Variants in PHACTR4 observed in about 807,000 individuals in gnomAD.
PHACTR4 encodes the protein protein phosphatase 1, regulatory subunit 124.
Under a neutral mutation model 72.7 loss-of-function variants are expected in PHACTR4, and 51 were observed. That is an observed-to-expected ratio of 0.70 (90% confidence interval 0.56 to 0.89). PHACTR4 has a LOEUF of 0.89. Ranked by LOEUF, PHACTR4 falls within the 40% of genes least tolerant of loss-of-function variation. The pLI, the probability that PHACTR4 is intolerant of heterozygous loss-of-function variation, is 0.00. For missense variants in PHACTR4, 731 were observed against 861.8 expected (o/e 0.85, Z 1.90); for synonymous variants, 255 against 302.5 (o/e 0.84, Z 1.63).
intron 6 of PHACTR4, among the ~76,000 whole-genome samples, chr1:28,473,144 C>T (rs1010489838): frequency 6.6e-6 from 1 of 151,770 alleles, no homozygotes; most frequent in Non-Finnish European, 1.5e-5. Flanking sequence ...GCCGTAGTGG[C>T]GTGCGCCTGT....
chr1:28,448,162 T>C (rs1009263251), intron 2 of PHACTR4, among the ~76,000 whole-genome samples: 1 of 152,174 alleles, frequency 6.6e-6, no homozygotes, highest in African/African-American at 2.4e-5. Flanking sequence ...TATGAAGATA[T>C]TTGGTACTTC....
rs1395628204 is a variant in PHACTR4 at position 28,497,510 on chromosome 1, A to G, written c.*961A>G. On this transcript the variant is annotated 3_prime_UTR_variant, in exon 14 of 14. Transcript: ENST00000373839. The stretch of plus-strand genomic sequence containing the variant: ...TGCCTACTGCACTCCAGCCTGGGCA[A>G]CAAAGTGGGACTCTGTCTTAAAAAA... 1 of 150,236 alleles carries G rather than the reference A, an allele frequency of 6.7e-6. No individual in the cohort carries two copies. Among genetic ancestry groups the G allele is most frequent in the Non-Finnish European group, 1.5e-5 (1 of 67,684 alleles). The allele number at this position is 150,236 out of a possible 1,614,324, so 9.3% of individuals were successfully genotyped here. A position where few individuals can be genotyped will look rare whatever the true frequency, so the allele number is the denominator to read the frequency against.
intron 2 of PHACTR4, among the ~76,000 whole-genome samples, chr1:28,425,920 C>A (rs1381290049): frequency 6.6e-6 from 1 of 151,966 alleles, no homozygotes; most frequent in Admixed American, 6.6e-5. Flanking sequence ...CCTCTTGGTT[C>A]CTTAATAGAT....
intron 1 of PHACTR4, among the ~76,000 whole-genome samples, chr1:28,393,953 T>C (rs942971801): frequency 6.6e-6 from 1 of 151,984 alleles, no homozygotes; most frequent in African/African-American, 2.4e-5. Context: ...GCTCAAGCAG[T>C]TTGCTCACCT....
chr1:28,418,735 G>C (rs1295980602), intron 2 of PHACTR4, among the ~76,000 whole-genome samples: 1 of 151,982 alleles, frequency 6.6e-6, no homozygotes, highest in African/African-American at 2.4e-5. Flanking sequence ...TGGATCACCT[G>C]AGGTCAGGAG....
At chr1:28,469,902 A>G (rs530449334) in intron 6 of PHACTR4, among the ~76,000 whole-genome samples, 1 of 151,844 alleles carries the variant, frequency 6.6e-6, no homozygotes, top group Non-Finnish European at 1.5e-5. Context: ...CTAAAAATAC[A>G]AAAAATGATC....
At position 28,393,061 on chromosome 1, in the gene PHACTR4, G is replaced by C. The variant is rs915561544; in HGVS notation, c.-38-14349G>C. On this transcript the variant is annotated intron_variant, in intron 1 of 13. Coordinates refer to ENST00000373839, the MANE Select transcript of PHACTR4 (RefSeq NM_001048183.3). ...TGTCCATTGTTTCAGTTATCCACTG[G>C]GGGCTTTGGAATGTATCCCTCAAGG... 9.2e-5 allele frequency among the ~76,000 whole-genome samples: 14 copies of C among 152,116 alleles called. 1 individual carries two copies. The highest frequency in any genetic ancestry group is 9.2e-4 in the Admixed American group (14 of 15,252).
At chr1:28,427,540 AAAAT>A (rs1655950564) in intron 2 of PHACTR4, among the ~76,000 whole-genome samples, 1 of 152,190 alleles carries the variant, frequency 6.6e-6, no homozygotes, top group Non-Finnish European at 1.5e-5. Flanking sequence ...TAAAAAATAA[AAAAT>A]AAAAAGGCTA....
At chr1:28,442,852 T>C (rs554041043) in intron 2 of PHACTR4, among the ~76,000 whole-genome samples, 1 of 152,264 alleles carries the variant, frequency 6.6e-6, no homozygotes. Flanking sequence ...ATGGGCTACA[T>C]AATGGATATT....
At chr1:28,442,313 A>T (rs1273125783) in intron 2 of PHACTR4, among the ~76,000 whole-genome samples, 1 of 151,864 alleles carries the variant, frequency 6.6e-6, no homozygotes, top group African/African-American at 2.4e-5. Context: ...AAAATACAAA[A>T]ATTAGCTGAG....
rs1166113731 is a variant in PHACTR4 at position 28,377,649 on chromosome 1, C to T, written c.-39+7824C>T. 2.0e-5 allele frequency among the ~76,000 whole-genome samples: 3 copies of T among 151,952 alleles called. 1 individual carries two copies. The highest frequency in any genetic ancestry group is 7.3e-5 in the African/African-American group (3 of 41,378). ...TTCAAGACTAGCCTGGCCAACATGGCAGAACCCTGTCTCTACAAAAACTAC... is the reference window on the plus strand; with the variant it reads ...TTCAAGACTAGCCTGGCCAACATGGTAGAACCCTGTCTCTACAAAAACTAC... On this transcript the variant is annotated intron_variant, in intron 1 of 13. Coordinates refer to ENST00000373839, the MANE Select transcript of PHACTR4 (RefSeq NM_001048183.3).
chr1:28,421,660 C>T (rs556383200), intron 2 of PHACTR4, among the ~76,000 whole-genome samples: 41 of 152,208 alleles, frequency 2.7e-4, no homozygotes, highest in Non-Finnish European at 5.0e-4. Flanking sequence ...TCCATTTCCC[C>T]GCACAGGGTG....
At chr1:28,477,951 G>A (rs1238348752) in intron 8 of PHACTR4, among the ~76,000 whole-genome samples, 3 of 151,896 alleles carry the variant, frequency 2.0e-5, no homozygotes, top group East Asian at 3.9e-4. Context: ...AGCTCCCAAA[G>A]TGCTGCGATT....
intron 1 of PHACTR4, among the ~76,000 whole-genome samples, chr1:28,403,377 G>C (rs1654076445): frequency 6.6e-6 from 1 of 152,044 alleles, no homozygotes; most frequent in Non-Finnish European, 1.5e-5. Flanking sequence ...GTGGACCCCT[G>C]AGAAGGTTGT....
chr1:28,441,093 T>G (rs1040586910), intron 2 of PHACTR4, among the ~76,000 whole-genome samples: 1 of 152,216 alleles, frequency 6.6e-6, no homozygotes, highest in Non-Finnish European at 1.5e-5. Flanking sequence ...GAGGCCCCTA[T>G]GTAGATATTA....
chr1:28,393,202 A>G (rs1397055452), intron 1 of PHACTR4, among the ~76,000 whole-genome samples: 1 of 152,218 alleles, frequency 6.6e-6, no homozygotes, highest in African/African-American at 2.4e-5. Flanking sequence ...TGATACCAAT[A>G]AGATTGGGAA....
chr1:28,437,998 C>G (rs1239819192), intron 2 of PHACTR4, among the ~76,000 whole-genome samples: 1 of 151,924 alleles, frequency 6.6e-6, no homozygotes, highest in African/African-American at 2.4e-5. Flanking sequence ...TCTTCTGTGA[C>G]TCAGAGCCTG....
intron 1 of PHACTR4, among the ~76,000 whole-genome samples, chr1:28,396,622 T>C (rs1318425572): frequency 6.6e-6 from 1 of 151,802 alleles, no homozygotes; most frequent in African/African-American, 2.4e-5. Context: ...TCTAGAAGAA[T>C]AGATACCTTA....
chr1:28,462,604 G>A (rs1302430036), intron 4 of PHACTR4, among the ~76,000 whole-genome samples: 1 of 151,960 alleles, frequency 6.6e-6, no homozygotes, highest in Non-Finnish European at 1.5e-5. Context: ...GAGCTCAAGT[G>A]ATCCACCTGC....
Sources: allele counts gnomAD v4.1 joint callset (sites outside exome capture counted in the v4.1 genomes callset), GRCh38; gene constraint gnomAD v4.1.1; transcripts MANE v1.5; gene names NCBI Gene and HGNC (gene_info 2026-07-23, HGNC 2026-07-21).